ATP2B2: variants seen among roughly 807,000 people sequenced by gnomAD.
The protein encoded by ATP2B2 is plasma membrane calcium-transporting ATPase 2.
A neutral mutation model predicts 120.0 loss-of-function variants in ATP2B2; 15 were observed. The ratio of observed to expected loss-of-function variants is 0.12; its 90% CI spans 0.08 to 0.19. ATP2B2 has a LOEUF of 0.19. ATP2B2 is among the 10% of genes least tolerant of loss of function. The probability of loss-of-function intolerance (pLI) is 1.00; values close to 1 mark genes in which losing one functional copy is unlikely to be tolerated. For synonymous variants in ATP2B2, 694 were observed against 700.3 expected (o/e 0.99, Z 0.14); for missense variants, 1,045 against 1,719.8 (o/e 0.61, Z 6.94).
At chr3:10,493,696 A>G (rs2066024993) in intron 1 of ATP2B2, among the ~76,000 whole-genome samples, 2 of 152,346 alleles carry the variant, frequency 1.3e-5, no homozygotes, top group South Asian at 4.2e-4. Flanking sequence ...TTCTACATGC[A>G]TGCACTCAAC....
chr3:10,441,831 A>C (rs2063677347), intron 2 of ATP2B2, among the ~76,000 whole-genome samples: 1 of 152,210 alleles, frequency 6.6e-6, no homozygotes, highest in Non-Finnish European at 1.5e-5. Context: ...CATCAGTTCT[A>C]GGAGGTGGGT....
chr3:10,413,599 G>A (rs1351613406), intron 2 of ATP2B2, among the ~76,000 whole-genome samples: 2 of 152,194 alleles, frequency 1.3e-5, no homozygotes, highest in African/African-American at 4.8e-5. Context: ...ACTGTTCTGT[G>A]CTGGGCTGGC....
chr3:10,589,018 C>T (rs567117237), intron 2 of ATP2B2, among the ~76,000 whole-genome samples: 12 of 152,228 alleles, frequency 7.9e-5, no homozygotes, highest in South Asian at 2.1e-4. Flanking sequence ...ATAAACTGGG[C>T]GGGCGGCAAG....
rs2063956078 is a variant in ATP2B2 at position 10,449,461 on chromosome 3, A to G, written c.83T>C (p.Met28Thr). The stretch of plus-strand genomic sequence containing the variant: ...CTCCATGAGGGAGCGGAGCTCCTCC[A>G]TTGTGCACCCGAACTCGCCCCCATG... ...SSHGGEFGCT[M>T]EELRSLMELR... Residue 28 changes from methionine to threonine, a missense_variant, in exon 2 of 23, where the codon ATG becomes ACG. Coordinates refer to ENST00000360273, the MANE Select transcript of ATP2B2 (RefSeq NM_001001331.4). 2 of 1,614,102 alleles carry G rather than the reference A, an allele frequency of 1.2e-6. No homozygotes were observed. The highest frequency in any genetic ancestry group is 1.7e-6 in the Non-Finnish European group (2 of 1,180,050).
chr3:10,606,912 C>CACACACAGAGAG (rs1405755716), intron 2 of ATP2B2, among the ~76,000 whole-genome samples: 3 of 62,524 alleles, frequency 4.8e-5, no homozygotes, highest in Non-Finnish European at 8.0e-5. Flanking sequence ...CACACACACA[C>CACACACAGAGAG]AGAGAGAGAG....
intron 22 of ATP2B2, among the ~76,000 whole-genome samples, chr3:10,336,585 T>C (rs1455405035): frequency 6.6e-6 from 1 of 151,966 alleles, no homozygotes; most frequent in Non-Finnish European, 1.5e-5. Context: ...GAGGCAGTGA[T>C]TAAACATGGT....
intron 1 of ATP2B2, among the ~76,000 whole-genome samples, chr3:10,477,265 A>C (rs1441166292): frequency 6.6e-6 from 1 of 152,006 alleles, no homozygotes; most frequent in Non-Finnish European, 1.5e-5. Flanking sequence ...ATCATTCCCT[A>C]CTTCTAGATG....
intron 1 of ATP2B2, among the ~76,000 whole-genome samples, chr3:10,688,670 C>T (rs1358394030): frequency 6.6e-6 from 1 of 152,192 alleles, no homozygotes; most frequent in Non-Finnish European, 1.5e-5. Context: ...TGTGATGTCT[C>T]CTGCGCCAGG....
chr3:10,517,319 T>A (rs999855863), intron 3 of ATP2B2, among the ~76,000 whole-genome samples: 1 of 152,122 alleles, frequency 6.6e-6, no homozygotes, highest in African/African-American at 2.4e-5. Flanking sequence ...TCCCCCAGCC[T>A]GGGGAGGGAG....
chr3:10,446,254 G>A (rs567985087), intron 2 of ATP2B2, among the ~76,000 whole-genome samples: 4 of 152,296 alleles, frequency 2.6e-5, no homozygotes, highest in Non-Finnish European at 5.9e-5. Context: ...ACTTTTTCCC[G>A]AGTGATGATA....
At position 10,342,771 on chromosome 3, in the gene ATP2B2, G is replaced by C. The variant is rs755578943; in HGVS notation, c.2898C>G (p.Ile966Met). 1 of 1,614,196 alleles carries C rather than the reference G, an allele frequency of 6.2e-7. No homozygotes were observed. Among genetic ancestry groups the C allele is most frequent in the Non-Finnish European group, 8.5e-7 (1 of 1,180,030 alleles). Reference sequence around the variant, plus strand: ...GCTCACCAACAAAGAGCAGGGTGAAGATGAGGGCAAGCTGGTAGACAGCAT... The same window carrying C: ...GCTCACCAACAAAGAGCAGGGTGAACATGAGGGCAAGCTGGTAGACAGCAT... ...LGHAVYQLAL[I>M]FTLLFVGEKM... Residue 966 changes from isoleucine to methionine, a missense_variant, in exon 19 of 23, where the codon ATC becomes ATG. By Grantham distance (10) the Ile-to-Met change is conservative. Transcript: ENST00000360273. The surrounding 1 kb of genome is among the most constrained non-coding windows in gnomAD (Gnocchi z 4.4).
At chr3:10,497,052 G>A (rs1290857721) in intron 1 of ATP2B2, among the ~76,000 whole-genome samples, 2 of 152,250 alleles carry the variant, frequency 1.3e-5, no homozygotes, top group Non-Finnish European at 2.9e-5. Context: ...GGCAGGCTCT[G>A]CTGACCTTGG....
At chr3:10,363,163 G>T (rs779382896) in intron 12 of ATP2B2, among the ~76,000 whole-genome samples, 1 of 152,130 alleles carries the variant, frequency 6.6e-6, no homozygotes, top group Non-Finnish European at 1.5e-5. Context: ...TGCCTCCTCC[G>T]TAATTCAGTT....
chr3:10,572,032 G>A (rs1432382434), intron 2 of ATP2B2, among the ~76,000 whole-genome samples: 1 of 152,192 alleles, frequency 6.6e-6, no homozygotes, highest in Non-Finnish European at 1.5e-5. Flanking sequence ...AACAAGGTGT[G>A]CCAAGTTGGA....
At chr3:10,598,580 A>G (rs757153459) in intron 2 of ATP2B2, among the ~76,000 whole-genome samples, 1 of 152,042 alleles carries the variant, frequency 6.6e-6, no homozygotes, top group Non-Finnish European at 1.5e-5. Context: ...AAAATGAATG[A>G]CCCTCAACTT....
intron 2 of ATP2B2, among the ~76,000 whole-genome samples, chr3:10,431,094 G>A (rs985102966): frequency 1.2e-4 from 18 of 152,142 alleles, no homozygotes; most frequent in African/African-American, 4.3e-4. Flanking sequence ...GAATGGATGA[G>A]GAGTTGCTTC....
At chr3:10,443,526 G>A (rs946846014) in intron 2 of ATP2B2, among the ~76,000 whole-genome samples, 3 of 151,918 alleles carry the variant, frequency 2.0e-5, no homozygotes, top group African/African-American at 4.9e-5. Flanking sequence ...CGCATTGACC[G>A]GGATGGGAGG....
chr3:10,507,938 C>T (rs1040178862), upstream of ATP2B2, among the ~76,000 whole-genome samples: 1 of 116,624 alleles, frequency 8.6e-6, no homozygotes, highest in Admixed American at 9.0e-5. Context: ...ATGCGCAGGC[C>T]ATCATGAGTG....
At chr3:10,643,017 A>G (rs1342039520) in intron 1 of ATP2B2, among the ~76,000 whole-genome samples, 5 of 152,182 alleles carry the variant, frequency 3.3e-5, no homozygotes, top group Non-Finnish European at 7.4e-5. Flanking sequence ...TGAGCCAGGA[A>G]CATCTTGTTA....
Sources: allele counts gnomAD v4.1 joint callset (sites outside exome capture counted in the v4.1 genomes callset), GRCh38; gene constraint gnomAD v4.1.1; non-coding constraint Gnocchi (gnomAD v3.1); transcripts MANE v1.5; gene names NCBI Gene and HGNC (gene_info 2026-07-23, HGNC 2026-07-21).